ORC4: variants seen among roughly 807,000 people sequenced by gnomAD.
ORC4 encodes origin recognition complex, subunit 4 homolog.
ORC4 carries 55 observed loss-of-function variants against 63.9 expected under a neutral mutation model. The ratio of observed to expected loss-of-function variants is 0.86; its 90% CI spans 0.69 to 1.08. The LOEUF (loss-of-function observed/expected upper bound fraction) is 1.08. Among genes scored for constraint, ORC4 ranks in the 50% least tolerant of loss-of-function variants. The pLI is 0.00. For missense variants in ORC4, 511 were observed against 504.4 expected (o/e 1.01, Z -0.13); for synonymous variants, 150 against 168.5 (o/e 0.89, Z 0.85).
At chr2:147,994,812 G>A (rs1461806034) in intron 1 of ORC4, among the ~76,000 whole-genome samples, 3 of 152,234 alleles carry the variant, frequency 2.0e-5, no homozygotes, top group Admixed American at 6.5e-5. Flanking sequence ...ATCACCTGAG[G>A]TCAGGAGTTC....
chr2:147,965,041 A>G (rs899002074), intron 4 of ORC4, among the ~76,000 whole-genome samples: 47 of 152,182 alleles, frequency 3.1e-4, no homozygotes, highest in Admixed American at 3.0e-3. Flanking sequence ...ACTAGACCAG[A>G]CCTATAAGAA....
intron 1 of ORC4, among the ~76,000 whole-genome samples, chr2:147,986,868 A>G (rs1233721918): frequency 6.6e-6 from 1 of 152,060 alleles, no homozygotes. Context: ...AAAGGTAAAT[A>G]ATTATAGTAG....
At chr2:147,968,305 A>T (rs1690015613) in intron 4 of ORC4, among the ~76,000 whole-genome samples, 1 of 152,072 alleles carries the variant, frequency 6.6e-6, no homozygotes. Flanking sequence ...CTAACATCAA[A>T]CTCAAAAGCT....
chr2:148,011,558 T>C (rs1470271499), intron 1 of ORC4, among the ~76,000 whole-genome samples: 1 of 152,164 alleles, frequency 6.6e-6, no homozygotes, highest in Non-Finnish European at 1.5e-5. Context: ...TTCTAGGATC[T>C]AGAAGAAGGA....
intron 4 of ORC4, among the ~76,000 whole-genome samples, chr2:147,963,471 A>C (rs958432130): frequency 1.1e-4 from 16 of 152,148 alleles, no homozygotes; most frequent in African/African-American, 3.9e-4. Flanking sequence ...CCTAAACCTG[A>C]GAAACAATCC....
chr2:147,966,653 A>G (rs1278887251), intron 4 of ORC4, among the ~76,000 whole-genome samples: 1 of 152,176 alleles, frequency 6.6e-6, no homozygotes, highest in Non-Finnish European at 1.5e-5. Context: ...TATTGAAGCA[A>G]GAAGACACAG....
rs1032837473 is a variant in ORC4 at position 147,934,447 on chromosome 2, A to T, written c.*1063T>A. The T allele has an allele frequency of 2.0e-5, 3 of 152,172 alleles. No homozygotes were observed. The highest frequency in any genetic ancestry group is 4.4e-5 in the Non-Finnish European group (3 of 68,010). 9.4% of individuals were successfully genotyped at this position (152,172 alleles called of 1,614,324 possible). ...CTTTTTAATACAAACAGGTTCAGTT[A>T]ACATTGCCATACACATCTCATTACT... On this transcript the variant is annotated 3_prime_UTR_variant, in exon 14 of 14. Transcript: ENST00000392857.
chr2:147,955,688 C>T (rs567183781), intron 6 of ORC4, among the ~76,000 whole-genome samples: 4 of 151,752 alleles, frequency 2.6e-5, no homozygotes, highest in East Asian at 1.9e-4. Flanking sequence ...TTATATTTTC[C>T]GGAAAAAATC....
chr2:148,014,104 C>A (rs997412080), intron 1 of ORC4, among the ~76,000 whole-genome samples: 2 of 152,094 alleles, frequency 1.3e-5, no homozygotes, highest in African/African-American at 4.8e-5. Flanking sequence ...TATCCTTTGA[C>A]AGGCCAAGGC....
At chr2:147,970,547 C>T (rs1690152555) in intron 4 of ORC4, among the ~76,000 whole-genome samples, 1 of 146,398 alleles carries the variant, frequency 6.8e-6, no homozygotes, top group African/African-American at 2.5e-5. Flanking sequence ...GTCAACTGAT[C>T]TTTGACAAAG....
At chr2:147,991,733 C>G in intron 1 of ORC4, among the ~76,000 whole-genome samples, 1 of 152,108 alleles carries the variant, frequency 6.6e-6, no homozygotes, top group East Asian at 1.9e-4. Context: ...GAAGCTGAGA[C>G]AGGAGAATCG....
intron 1 of ORC4, among the ~76,000 whole-genome samples, chr2:147,984,640 A>C (rs746557039): frequency 2.0e-5 from 3 of 152,192 alleles, no homozygotes; most frequent in African/African-American, 4.8e-5. Context: ...AGAGCTACTG[A>C]CCATTTTAAA....
At chr2:147,941,288 C>A (rs1203633333) in intron 10 of ORC4, among the ~76,000 whole-genome samples, 2 of 151,672 alleles carry the variant, frequency 1.3e-5, no homozygotes, top group African/African-American at 4.8e-5. Flanking sequence ...ATAAACAAGA[C>A]TGCAATAAAC....
intron 10 of ORC4, among the ~76,000 whole-genome samples, chr2:147,942,927 T>C (rs1688447166): frequency 6.6e-6 from 1 of 152,124 alleles, no homozygotes; most frequent in Non-Finnish European, 1.5e-5. Context: ...TTAATGTGTA[T>C]ATATATAATC....
At chr2:147,953,051 CG>C (rs1689051253) in intron 7 of ORC4, among the ~76,000 whole-genome samples, 1 of 139,688 alleles carries the variant, frequency 7.2e-6, no homozygotes, top group Non-Finnish European at 1.6e-5. Flanking sequence ...CAGTCTAGGC[CG>C]GGCATGGTGA....
rs1308454449 is a variant in ORC4 at position 147,969,628 on chromosome 2, G to GA, written c.225+3110dup. On this transcript the variant is annotated intron_variant, in intron 4 of 13. Transcript: ENST00000392857. The stretch of plus-strand genomic sequence containing the variant: ...ATATGACAGAATGCTGAGAGAGGGG[G>GA]AAAAAACATGAAAAAGATGGTAGAC... Among the ~76,000 whole-genome samples the GA allele has an allele frequency of 4.0e-5, 6 of 151,228 alleles. No individual in the cohort carries two copies. In the East Asian group the frequency reaches 9.7e-4, roughly 24 times the overall value.
chr2:147,985,859 C>T (rs1389297048), intron 1 of ORC4, among the ~76,000 whole-genome samples: 3 of 152,026 alleles, frequency 2.0e-5, no homozygotes, highest in African/African-American at 7.3e-5. Context: ...TACTTAACAG[C>T]AGCAGTAGCT....
intron 13 of ORC4, chr2:147,937,062 T>TA (rs1188385531): frequency 6.6e-6 from 1 of 151,850 alleles, no homozygotes; most frequent in Non-Finnish European, 1.5e-5. Context: ...GGGTAACCTT[T>TA]CCATTTTCAC....
intron 1 of ORC4, among the ~76,000 whole-genome samples, chr2:148,010,163 CCTA>C (rs1212458596): frequency 6.6e-6 from 1 of 151,926 alleles, no homozygotes; most frequent in African/African-American, 2.4e-5. Context: ...GGAAACACAA[CCTA>C]CTAAAACTTA....
Sources: gnomAD v4.1 joint callset for allele counts (sites outside exome capture counted in the v4.1 genomes callset) on GRCh38, gnomAD v4.1.1 for gene constraint, MANE v1.5 for transcripts, NCBI Gene and HGNC (gene_info 2026-07-23, HGNC 2026-07-21) for gene names.